The following CCDC57 variants were observed in gnomAD, a reference collection of about 807,000 sequenced individuals.
The protein encoded by CCDC57 is coiled-coil domain containing 57.
In CCDC57, 118 loss-of-function variants were observed where a neutral mutation model predicts 118.9. That is an observed-to-expected ratio of 0.99 (90% confidence interval 0.86 to 1.16). The LOEUF is 1.16. Among genes scored for constraint, CCDC57 ranks in the 50% most tolerant of loss-of-function variants. The probability of loss-of-function intolerance (pLI) is 0.00; values close to 1 mark genes in which losing one functional copy is unlikely to be tolerated. For missense variants in CCDC57, 1,300 were observed against 1,320.7 expected, an observed-to-expected ratio of 0.98 and a Z score of 0.24; for synonymous variants, 527 against 532.9, an observed-to-expected ratio of 0.99 and a Z score of 0.15.
intron 19 of CCDC57, among the ~76,000 whole-genome samples, chr17:82,111,024 TAGAC>T (rs1300977570): frequency 1.3e-5 from 2 of 151,636 alleles, no homozygotes; most frequent in Admixed American, 6.6e-5. Context: ...GGAGTAGAAA[TAGAC>T]AGAAGACAGC....
At chr17:82,164,242 G>A (rs1461350550) in intron 13 of CCDC57, among the ~76,000 whole-genome samples, 2 of 151,982 alleles carry the variant, frequency 1.3e-5, no homozygotes, top group Non-Finnish European at 2.9e-5. Flanking sequence ...TTAGCCAGGC[G>A]TGGTGGTGCG....
rs1299178386 is a variant in CCDC57 at position 82,118,841 on chromosome 17, C to T, written c.2899+8851G>A. ...CTTAGAAATCTGTGATTTCTTCACC[C>T]GTATCTAAGGTTAACCCTCTTCCGG... On this transcript the variant is annotated intron_variant, in intron 19 of 19. Transcript: ENST00000665763. This position sits in a 1 kb window ranked among gnomAD's most constrained non-coding sequence, Gnocchi z 4.7. Among the ~76,000 whole-genome samples, 4 of 151,962 alleles carry T rather than the reference C, an allele frequency of 2.6e-5. No individual in the cohort carries two copies. Among genetic ancestry groups the T allele is most frequent in the South Asian group, 2.1e-4 (1 of 4,816 alleles).
chr17:82,193,892 A>G, intron 6 of CCDC57, 62 bp from the exon 6 acceptor site: 1 of 1,568,588 alleles, frequency 6.4e-7, no homozygotes, highest in Non-Finnish European at 8.7e-7. Flanking sequence ...CCAGCCTGGA[A>G]TGAGCAGAAA....
At chr17:82,190,251 T>C (rs950835911) in intron 7 of CCDC57, among the ~76,000 whole-genome samples, 3 of 152,210 alleles carry the variant, frequency 2.0e-5, no homozygotes. Flanking sequence ...CTTCTCAAGG[T>C]TCTTCCCTAT....
chr17:82,109,135 T>C lies in CCDC57; in HGVS notation c.2900-7269A>G, dbSNP rs369405861. Among the ~76,000 whole-genome samples the C allele has an allele frequency of 1.2e-3, 184 of 151,832 alleles. 2 individuals carry two copies. The highest frequency in any genetic ancestry group is 4.1e-3 in the African/African-American group (169 of 41,414). On this transcript the variant is annotated intron_variant, in intron 19 of 19. Transcript: ENST00000665763. The stretch of plus-strand genomic sequence containing the variant: ...TTCTATCCCAGGCCCACACAGAAAG[T>C]GTTGGGGGAGTCACTGAAGGAAGGA...
chr17:82,121,859 G>A (rs2036732469), intron 19 of CCDC57, among the ~76,000 whole-genome samples: 1 of 152,206 alleles, frequency 6.6e-6, no homozygotes, highest in Non-Finnish European at 1.5e-5. Flanking sequence ...AGGCCGGGAA[G>A]CTCTGGTTCA....
At chr17:82,116,793 C>T (rs1011915872) in intron 19 of CCDC57, among the ~76,000 whole-genome samples, 2 of 152,208 alleles carry the variant, frequency 1.3e-5, no homozygotes, top group African/African-American at 4.8e-5. Context: ...GAGGAAAACA[C>T]ACAGAACCAT....
intron 17 of CCDC57, among the ~76,000 whole-genome samples, chr17:82,133,565 T>TA (rs146265434): frequency 0.26 from 36,457 of 140,220 alleles, 5,186 homozygotes; most frequent in Non-Finnish European, 0.34. Flanking sequence ...AATGAAAAAA[T>TA]AAAAAAAAAT....
chr17:82,172,818 G>A lies in CCDC57; in HGVS notation c.1549C>T (p.Pro517Ser), dbSNP rs754160988. Reference sequence around the variant, plus strand: ...CGGAGCCGCTGGATCTCACTGGATGGAAAGTCTTTACTTATTTCTTCTTCA... The same window carrying A: ...CGGAGCCGCTGGATCTCACTGGATGAAAAGTCTTTACTTATTTCTTCTTCA... Residue 517 changes from proline (P) to serine (S), a missense_variant, in exon 12 of 20, where the codon CCA becomes TCA. By Grantham distance (74) the Pro-to-Ser change is moderately conservative. Coordinates refer to ENST00000665763, the Ensembl canonical transcript of CCDC57. This position sits in a 1 kb window ranked among gnomAD's most constrained non-coding sequence, Gnocchi z 5.2. The A allele has an allele frequency of 4.3e-6, 7 of 1,613,362 alleles. No homozygotes were observed. Among genetic ancestry groups the A allele is most frequent in the African/African-American group, 1.3e-5 (1 of 74,928 alleles).
At chr17:82,204,140 C>A (rs1323433767) in intron 2 of CCDC57, among the ~76,000 whole-genome samples, 3 of 152,134 alleles carry the variant, frequency 2.0e-5, no homozygotes, top group Admixed American at 6.5e-5. Flanking sequence ...AGACGGTCTC[C>A]TCCATCCCAC....
At chr17:82,170,405 G>C (rs977983063) in intron 13 of CCDC57, among the ~76,000 whole-genome samples, 6 of 151,826 alleles carry the variant, frequency 4.0e-5, no homozygotes, top group African/African-American at 1.2e-4. Flanking sequence ...CTACTCAGGA[G>C]GCTGAGGCAG....
intron 9 of CCDC57, among the ~76,000 whole-genome samples, chr17:82,180,266 G>A (rs1705605645): frequency 6.6e-6 from 1 of 152,186 alleles, no homozygotes; most frequent in Admixed American, 6.5e-5. Flanking sequence ...TCTGCCAACA[G>A]CTGGGTGAGT....
At chr17:82,132,606 G>A (rs2038552400) in intron 17 of CCDC57, among the ~76,000 whole-genome samples, 1 of 152,088 alleles carries the variant, frequency 6.6e-6, no homozygotes, top group African/African-American at 2.4e-5. Context: ...TTTTGGTAGA[G>A]ACGGGGTCTC....
At chr17:82,147,530 CGGA>C (rs2040928060) in intron 16 of CCDC57, among the ~76,000 whole-genome samples, 1 of 113,004 alleles carries the variant, frequency 8.8e-6, no homozygotes, top group Admixed American at 9.2e-5. Flanking sequence ...GGTGGGTGGA[CGGA>C]TGGATGGATA....
intron 1 of CCDC57, among the ~76,000 whole-genome samples, chr17:82,209,541 G>A (rs1354996885): frequency 6.6e-6 from 1 of 152,148 alleles, no homozygotes; most frequent in East Asian, 1.9e-4. Flanking sequence ...GCAGTGCAGT[G>A]GCATGATTAT....
intron 16 of CCDC57, among the ~76,000 whole-genome samples, chr17:82,136,432 C>T (rs552067151): frequency 6.6e-5 from 10 of 152,130 alleles, no homozygotes; most frequent in African/African-American, 1.4e-4. Context: ...GAAGCAACTG[C>T]GAATGAGTGT....
rs12450327 is a variant in CCDC57, at chr17:82,212,540, G to A, written c.-211+245C>T. Reference sequence around the variant, plus strand: ...GCGCCCACCGCCCCAGGTCACCCACGGGAGACCGAGGGAACGCTCCCGCTC... The same window carrying A: ...GCGCCCACCGCCCCAGGTCACCCACAGGAGACCGAGGGAACGCTCCCGCTC... On this transcript the variant is annotated intron_variant, in intron 1 of 19. Transcript: ENST00000665763. This position sits in a 1 kb window ranked among gnomAD's most constrained non-coding sequence, Gnocchi z 4.1. Among the ~76,000 whole-genome samples the A allele has an allele frequency of 3.9e-5, 6 of 151,974 alleles. No homozygotes were observed. The highest frequency in any genetic ancestry group is 2.1e-4 in the South Asian group (1 of 4,828).
At chr17:82,114,995 G>A (rs1178150167) in intron 19 of CCDC57, among the ~76,000 whole-genome samples, 1 of 152,182 alleles carries the variant, frequency 6.6e-6, no homozygotes, top group Non-Finnish European at 1.5e-5. Context: ...AAGCCCGCCC[G>A]CAGGGACACC....
Position 82,183,889 on chromosome 17 carries a change from G to A in CCDC57, c.1096C>T (p.Gln366Ter). Residue 366 changes from glutamine to a stop codon, truncating the protein, a stop_gained, in exon 9 of 20, where the codon CAA (glutamine) becomes TAA (stop). Transcript: ENST00000665763. LOFTEE classifies it high-confidence loss of function. ...ATCTCCTTAGATAGTTGAGCAATTT[G>A]AGCATCCCAGGCAGATTTTACAGTT... The A allele has an allele frequency of 6.2e-7, 1 of 1,613,732 alleles. No individual in the cohort carries two copies. The highest frequency in any genetic ancestry group is 8.5e-7 in the Non-Finnish European group (1 of 1,179,818).
Sources: allele counts gnomAD v4.1 joint callset (sites outside exome capture counted in the v4.1 genomes callset), GRCh38; gene constraint gnomAD v4.1.1; non-coding constraint Gnocchi (gnomAD v3.1); transcripts MANE v1.5; gene names NCBI Gene and HGNC (gene_info 2026-07-23, HGNC 2026-07-21).